CAMTA1: variants seen among roughly 807,000 people sequenced by gnomAD.
CAMTA1 encodes the protein calmodulin binding transcription activator 1.
CAMTA1 carries 27 observed loss-of-function variants against 170.9 expected under a neutral mutation model. The ratio of observed to expected loss-of-function variants is 0.16; its 90% CI spans 0.12 to 0.22. CAMTA1 has a LOEUF of 0.22. Ranked by LOEUF, CAMTA1 falls within the 10% of genes least tolerant of loss-of-function variation. CAMTA1 has a pLI of 1.00. For synonymous variants in CAMTA1, 833 were observed against 891.5 expected (o/e 0.93, Z 1.17); for missense variants, 1,619 against 2,217.2 (o/e 0.73, Z 5.42).
chr1:7,642,969 G>T lies in CAMTA1; in HGVS notation c.664+2416G>T, dbSNP rs1381618159. Among the ~76,000 whole-genome samples, 3 of 152,054 alleles carry T rather than the reference G, an allele frequency of 2.0e-5. No homozygotes were observed. Among genetic ancestry groups the T allele is most frequent in the African/African-American group, 7.3e-5 (3 of 41,318 alleles). ...GGCTCAGCTTGGTCCTGCAGAAGCT[G>T]CCATGGCTGAGTGCACTCCAGGCCT... On this transcript the variant is annotated intron_variant, in intron 7 of 22. Coordinates refer to ENST00000303635, the MANE Select transcript of CAMTA1 (RefSeq NM_015215.4). The surrounding 1 kb of genome is among the most constrained non-coding windows in gnomAD (Gnocchi z 6.3).
At chr1:7,742,992 G>A (rs2096829311) in intron 16 of CAMTA1, among the ~76,000 whole-genome samples, 1 of 152,034 alleles carries the variant, frequency 6.6e-6, no homozygotes, top group Non-Finnish European at 1.5e-5. Context: ...AAAGCACTAG[G>A]CCTGCACCAC....
chr1:7,651,027 C>T (rs2095845557), intron 7 of CAMTA1, among the ~76,000 whole-genome samples: 1 of 152,208 alleles, frequency 6.6e-6, no homozygotes, highest in African/African-American at 2.4e-5. Context: ...CACGTGGCCG[C>T]TCCCTCTCCC....
intron 3 of CAMTA1, among the ~76,000 whole-genome samples, chr1:7,028,345 G>A (rs974681477): frequency 9.8e-5 from 15 of 152,300 alleles, no homozygotes; most frequent in East Asian, 3.9e-4. Context: ...GAGTCTCTGC[G>A]TGGTAGAGCT....
chr1:7,300,971 G>A lies in CAMTA1; in HGVS notation c.438+51345G>A, dbSNP rs188144086. 8.8e-4 allele frequency among the ~76,000 whole-genome samples: 134 copies of A among 152,272 alleles called. No homozygotes were observed. Among genetic ancestry groups the A allele is most frequent in the African/African-American group, 3.2e-3 (132 of 41,554 alleles). ...ATAGATGAGATACAACACACACATT[G>A]GATTCTAGCAGCAATTACCCACCAT... On this transcript the variant is annotated intron_variant, in intron 5 of 22. Coordinates refer to ENST00000303635, the MANE Select transcript of CAMTA1 (RefSeq NM_015215.4). The surrounding 1 kb of genome is among the most constrained non-coding windows in gnomAD (Gnocchi z 4.1).
rs1441996597 is a variant in CAMTA1, at chr1:7,685,667, C to A, written c.2914+7934C>A. 1.3e-5 allele frequency among the ~76,000 whole-genome samples: 2 copies of A among 152,198 alleles called. No individual in the cohort carries two copies. The highest frequency in any genetic ancestry group is 6.5e-5 in the Admixed American group (1 of 15,278). ...GACTACTCTCTTCTCCCTGCCCACG[C>A]TCCCTGAGGGCTTCTTCCCAGCCAG... is the stretch of plus-strand genomic sequence containing the variant. On this transcript the variant is annotated intron_variant, in intron 11 of 22. Coordinates refer to ENST00000303635, the MANE Select transcript of CAMTA1 (RefSeq NM_015215.4). The surrounding 1 kb of genome is among the most constrained non-coding windows in gnomAD (Gnocchi z 5.7).
intron 5 of CAMTA1, among the ~76,000 whole-genome samples, chr1:7,264,037 T>C (rs950381279): frequency 1.3e-5 from 2 of 152,174 alleles, no homozygotes; most frequent in Non-Finnish European, 2.9e-5. Context: ...ACAGATGAAC[T>C]TGGGGGTCAG....
chr1:7,392,009 T>G (rs1250714016), intron 5 of CAMTA1, among the ~76,000 whole-genome samples: 1 of 152,230 alleles, frequency 6.6e-6, no homozygotes, highest in Non-Finnish European at 1.5e-5. Context: ...TTTATTTCTC[T>G]TGGGAAAATA....
chr1:7,307,454 T>C (rs562501413), intron 5 of CAMTA1, among the ~76,000 whole-genome samples: 2 of 152,096 alleles, frequency 1.3e-5, no homozygotes, highest in African/African-American at 2.4e-5. Flanking sequence ...TCTTGCCTTA[T>C]TGCACTGGCT....
intron 5 of CAMTA1, among the ~76,000 whole-genome samples, chr1:7,384,061 A>C (rs565725237): frequency 6.6e-6 from 1 of 152,314 alleles, no homozygotes; most frequent in Non-Finnish European, 1.5e-5. Context: ...GCCCTGCTCC[A>C]ACTCCCAGTG....
chr1:7,614,597 C>A (rs556744583), intron 6 of CAMTA1, among the ~76,000 whole-genome samples: 1 of 152,334 alleles, frequency 6.6e-6, no homozygotes, highest in South Asian at 2.1e-4. Context: ...AAAAATGCCT[C>A]CCGCGTTATT....
intron 3 of CAMTA1, among the ~76,000 whole-genome samples, chr1:6,978,055 C>T (rs1367838782): frequency 6.6e-6 from 1 of 151,778 alleles, no homozygotes; most frequent in Admixed American, 6.6e-5. Context: ...TTACCAGAGG[C>T]CAGGAAGGGT....
In CAMTA1 at chr1:7,272,346, G is replaced by A. The variant is rs137926993; in HGVS notation, c.438+22720G>A. Among the ~76,000 whole-genome samples the A allele has an allele frequency of 5.9e-5, 9 of 152,156 alleles. No homozygotes were observed. The East Asian group carries it at 1.7e-3, about 29-fold the overall frequency. On this transcript the variant is annotated intron_variant, in intron 5 of 22. Transcript: ENST00000303635. ...CCCCAAATTGATCTACAGATTCAAC[G>A]TAATCTTTATCAAACTATCATCTGG...
chr1:6,897,734 T>C (rs1427635900), intron 3 of CAMTA1, among the ~76,000 whole-genome samples: 8 of 152,146 alleles, frequency 5.3e-5, no homozygotes, highest in Non-Finnish European at 1.0e-4. Context: ...GAAACAGAGC[T>C]CTCTGATGGA....
chr1:7,525,356 C>G (rs199531797), intron 6 of CAMTA1, among the ~76,000 whole-genome samples: 2 of 152,124 alleles, frequency 1.3e-5, no homozygotes, highest in African/African-American at 4.8e-5. Flanking sequence ...CCCATCCCAG[C>G]TCCAGCCCTG....
At chr1:7,388,812 C>A (rs1479211263) in intron 5 of CAMTA1, among the ~76,000 whole-genome samples, 3 of 152,226 alleles carry the variant, frequency 2.0e-5, no homozygotes, top group Non-Finnish European at 4.4e-5. Flanking sequence ...CATCCTGTCC[C>A]ATGGGGGGTT....
chr1:7,537,637 C>T (rs1300745929), intron 6 of CAMTA1, among the ~76,000 whole-genome samples: 5 of 152,208 alleles, frequency 3.3e-5, no homozygotes, highest in Non-Finnish European at 7.3e-5. Context: ...GGGGCAGGAT[C>T]TTCCCTAGAA....
rs529301522 is a variant in CAMTA1 at position 7,028,022 on chromosome 1, A to G, written c.235-63282A>G. Among the ~76,000 whole-genome samples, 215 of 151,348 alleles carry G rather than the reference A, an allele frequency of 1.4e-3. 1 individual carries two copies. The highest frequency in any genetic ancestry group is 2.4e-3 in the Non-Finnish European group (161 of 67,908). On this transcript the variant is annotated intron_variant, in intron 3 of 22. Transcript: ENST00000303635. ...CAGGTTCAAGCAATTCTGCTGCCTCAGCCTCCCGAGTAGCTGGGACTACAG... is the reference window on the plus strand; with the variant it reads ...CAGGTTCAAGCAATTCTGCTGCCTCGGCCTCCCGAGTAGCTGGGACTACAG...
In CAMTA1 at chr1:7,065,584, A is replaced by C. The variant is rs2101814996; in HGVS notation, c.235-25720A>C. ...TGGGATCCAGGGCGCAGCTGGAGGG[A>C]TTCTACCTGGAGCAGGTGGGGGTGC... On this transcript the variant is annotated intron_variant, in intron 3 of 22. Coordinates refer to ENST00000303635, the MANE Select transcript of CAMTA1 (RefSeq NM_015215.4). This position sits in a 1 kb window ranked among gnomAD's most constrained non-coding sequence, Gnocchi z 5.2. Among the ~76,000 whole-genome samples the C allele has an allele frequency of 6.6e-6, 1 of 152,122 alleles. No homozygotes were observed. Among genetic ancestry groups the C allele is most frequent in the African/African-American group, 2.4e-5 (1 of 41,514 alleles).
At chr1:7,489,404 G>A (rs969586792) in intron 6 of CAMTA1, among the ~76,000 whole-genome samples, 1 of 152,234 alleles carries the variant, frequency 6.6e-6, no homozygotes, top group African/African-American at 2.4e-5. Flanking sequence ...TCTTTAGAGA[G>A]AGGCTGTGTT....
Sources: gnomAD v4.1 joint callset for allele counts (sites outside exome capture counted in the v4.1 genomes callset) on GRCh38, gnomAD v4.1.1 for gene constraint, Gnocchi (gnomAD v3.1) non-coding constraint, MANE v1.5 for transcripts, NCBI Gene and HGNC (gene_info 2026-07-23, HGNC 2026-07-21) for gene names.